Variants in DARS1 observed in about 807,000 individuals in gnomAD.
The protein encoded by DARS1 is aspartyl-tRNA synthetase 1.
DARS1 carries 51 observed loss-of-function variants against 68.8 expected under a neutral mutation model. That is an observed-to-expected ratio of 0.74 (90% CI 0.59 to 0.94). The LOEUF (loss-of-function observed/expected upper bound fraction) is 0.94. Ranked by LOEUF, DARS1 falls within the 40% of genes least tolerant of loss-of-function variation. The pLI is 0.00. For synonymous variants in DARS1, 203 were observed against 190.4 expected, an observed-to-expected ratio of 1.07 and a Z score of -0.55; for missense variants, 607 against 597.3, an observed-to-expected ratio of 1.02 and a Z score of -0.17.
At chr2:135,928,240 A>C (rs994516454) in intron 7 of DARS1, among the ~76,000 whole-genome samples, 1 of 152,138 alleles carries the variant, frequency 6.6e-6, no homozygotes, top group Non-Finnish European at 1.5e-5. Context: ...ATTCCTGTTC[A>C]TTTATGGTTT....
At chr2:135,952,110 G>T (rs575107222) in intron 4 of DARS1, among the ~76,000 whole-genome samples, 2 of 152,162 alleles carry the variant, frequency 1.3e-5, no homozygotes, top group African/African-American at 2.4e-5. Flanking sequence ...GCGTGGTGGT[G>T]GGCGCCTGTA....
chr2:135,916,716 ATGAG>A (rs1186271052), intron 10 of DARS1, among the ~76,000 whole-genome samples: 2 of 152,142 alleles, frequency 1.3e-5, no homozygotes, highest in Middle Eastern at 3.2e-3. Context: ...GACCAAATTA[ATGAG>A]TATTTGTCTT....
chr2:135,985,427 C>G lies in DARS1; in HGVS notation c.42G>C (p.Pro14=). The G allele has an allele frequency of 6.2e-7, 1 of 1,613,996 alleles. No homozygotes were observed. Among genetic ancestry groups the G allele is most frequent in the Non-Finnish European group, 8.5e-7 (1 of 1,179,966 alleles). ...ASASRKSQEK[P]REIMDAAEDY... is the part of the protein sequence containing the mutation. Reference sequence around the variant, plus strand: ...CTTCCGCCGCGTCCATGATCTCCCGCGGCTTCTCCTGACTCTTGCGGCTGG... The same window carrying G: ...CTTCCGCCGCGTCCATGATCTCCCGGGGCTTCTCCTGACTCTTGCGGCTGG... Residue 14 remains proline, a synonymous_variant, in exon 1 of 16, where the codon CCG becomes CCC. Coordinates refer to ENST00000264161, the MANE Select transcript of DARS1 (RefSeq NM_001349.4).
upstream of DARS1, chr2:135,985,679 G>C: frequency 7.8e-7 from 1 of 1,274,396 alleles, no homozygotes; most frequent in Admixed American, 2.7e-5. Flanking sequence ...CCGCGCGCAG[G>C]GTCTCCTCCC....
chr2:135,943,421 A>G lies in DARS1; in HGVS notation c.380T>C (p.Ile127Thr), dbSNP rs1040977441. 3.7e-6 allele frequency: 6 copies of G among 1,613,544 alleles called. No homozygotes were observed. Among genetic ancestry groups the G allele is most frequent in the Non-Finnish European group, 5.1e-6 (6 of 1,179,836 alleles). Residue 127 changes from isoleucine (I) to threonine (T), a missense_variant, in exon 5 of 16, where the codon ATT becomes ACT. Coordinates refer to ENST00000264161, the MANE Select transcript of DARS1 (RefSeq NM_001349.4). ...EGVVRKVNQK[I>T]GSCTQQDVEL... ...AACGTCTTGCTGTGTACAGCTTCCAATTTTCTGATTCACTTTTCTCACAAC... is the reference window on the plus strand; with the variant it reads ...AACGTCTTGCTGTGTACAGCTTCCAGTTTTCTGATTCACTTTTCTCACAAC...
At chr2:135,938,560 TAA>T (rs1681522399) in intron 5 of DARS1, among the ~76,000 whole-genome samples, 1 of 152,216 alleles carries the variant, frequency 6.6e-6, no homozygotes, top group Non-Finnish European at 1.5e-5. Context: ...CTTTGGAGGA[TAA>T]GAGGCACTCT....
At chr2:135,934,758 C>A (rs1044174824) in intron 5 of DARS1, among the ~76,000 whole-genome samples, 1 of 151,794 alleles carries the variant, frequency 6.6e-6, no homozygotes, top group Non-Finnish European at 1.5e-5. Flanking sequence ...AAACACTTTA[C>A]TCATGTGAAG....
chr2:135,909,829 C>CA (rs1158833262), intron 15 of DARS1, among the ~76,000 whole-genome samples: 1 of 151,940 alleles, frequency 6.6e-6, no homozygotes, highest in Non-Finnish European at 1.5e-5. Context: ...TATGAAAATC[C>CA]AAAATGCTCC....
intron 3 of DARS1, among the ~76,000 whole-genome samples, chr2:135,971,081 C>T (rs1042942864): frequency 6.6e-6 from 1 of 152,132 alleles, no homozygotes; most frequent in Non-Finnish European, 1.5e-5. Context: ...GAAAATACTT[C>T]CAAACTCATT....
intron 4 of DARS1, among the ~76,000 whole-genome samples, chr2:135,943,927 GTAA>G (rs1206140092): frequency 6.6e-6 from 1 of 152,124 alleles, no homozygotes; most frequent in African/African-American, 2.4e-5. Context: ...AGATTTTAAG[GTAA>G]TAAGAGGACA....
intron 2 of DARS1, among the ~76,000 whole-genome samples, chr2:135,981,570 A>G (rs995289899): frequency 6.6e-6 from 1 of 152,162 alleles, no homozygotes; most frequent in African/African-American, 2.4e-5. Context: ...ATAAAGTCCA[A>G]AACACTTTTG....
intron 3 of DARS1, among the ~76,000 whole-genome samples, chr2:135,973,346 C>T (rs1682423971): frequency 6.6e-6 from 1 of 151,994 alleles, no homozygotes; most frequent in Admixed American, 6.5e-5. Context: ...CATATTCTCA[C>T]TTACTTGTGG....
intron 4 of DARS1, among the ~76,000 whole-genome samples, chr2:135,959,331 C>A (rs893677759): frequency 1.2e-4 from 15 of 124,836 alleles, no homozygotes; most frequent in South Asian, 5.4e-4. Context: ...TAGGAGGTTG[C>A]GATGAGCGGA....
intron 4 of DARS1, among the ~76,000 whole-genome samples, chr2:135,953,336 AT>A (rs1681890877): frequency 6.6e-6 from 1 of 152,210 alleles, no homozygotes; most frequent in African/African-American, 2.4e-5. Context: ...AATCCTTTCT[AT>A]TCTTTCCTGC....
rs1682771937 is a variant in DARS1 at position 135,985,620 on chromosome 2, G to A, written c.-152C>T. Reference sequence around the variant, plus strand: ...GACTCCGCGTGGAGGTGCGGCTCCAGAAAGATCGCGAGAGCTGCGGCTATC... The same window carrying A: ...GACTCCGCGTGGAGGTGCGGCTCCAAAAAGATCGCGAGAGCTGCGGCTATC... On this transcript the variant is annotated 5_prime_UTR_variant, in exon 1 of 16. Coordinates refer to ENST00000264161, the MANE Select transcript of DARS1 (RefSeq NM_001349.4). The A allele has an allele frequency of 6.1e-6, 9 of 1,480,662 alleles. No individual in the cohort carries two copies. The Admixed American group carries it at 9.3e-5, about 15-fold the overall frequency. The allele number at this position is 1,480,662 out of a possible 1,614,324, so 91.7% of individuals were successfully genotyped here.
In DARS1 at chr2:135,911,462, C is replaced by T; in HGVS notation, c.1262G>A (p.Arg421Lys). The change falls in exon 14 of 16, where the codon AGA becomes AAA. Residue 421 changes from arginine (R) to lysine (K), a missense_variant. Transcript: ENST00000264161. ...AGCTCCTGACAATATTTCTTCTCCTCTCATGAACATATCGTAAGAGTTGGA... is the reference window on the plus strand; with the variant it reads ...AGCTCCTGACAATATTTCTTCTCCTTTCATGAACATATCGTAAGAGTTGGA... The part of the protein sequence containing the change: ...KQSNSYDMFM[R>K]GEEILSGAQR... 9.6e-7 allele frequency: 1 copy of T among 1,047,104 alleles called. No individual in the cohort carries two copies. Among genetic ancestry groups the T allele is most frequent in the Non-Finnish European group, 1.5e-6 (1 of 661,416 alleles). The allele number at this position is 1,047,104 out of a possible 1,614,324, so 64.9% of individuals were successfully genotyped here. A position where few individuals can be genotyped will look rare whatever the true frequency, so the allele number is the denominator to read the frequency against.
chr2:135,959,641 C>T (rs1345807444), intron 4 of DARS1, among the ~76,000 whole-genome samples: 1 of 151,878 alleles, frequency 6.6e-6, no homozygotes, highest in African/African-American at 2.4e-5. Context: ...TGAGAAGATC[C>T]AAAATAATAG....
At chr2:135,920,251 T>C (rs186590408) in intron 10 of DARS1, among the ~76,000 whole-genome samples, 3 of 152,340 alleles carry the variant, frequency 2.0e-5, no homozygotes, top group Admixed American at 1.3e-4. Flanking sequence ...GTTAATTAGT[T>C]GAGCCCCCAA....
chr2:135,936,505 C>T (rs923711602), intron 5 of DARS1, among the ~76,000 whole-genome samples: 2 of 152,282 alleles, frequency 1.3e-5, no homozygotes, highest in Admixed American at 6.5e-5. Flanking sequence ...AAGTGATCCT[C>T]CCACCCTGGC....
Sources: allele counts gnomAD v4.1 joint callset (sites outside exome capture counted in the v4.1 genomes callset), GRCh38; gene constraint gnomAD v4.1.1; transcripts MANE v1.5; gene names NCBI Gene and HGNC (gene_info 2026-07-23, HGNC 2026-07-21).